Variants in GPATCH8 observed in about 807,000 individuals in gnomAD.
GPATCH8 encodes the protein G-patch domain containing 8.
A neutral mutation model predicts 118.3 loss-of-function variants in GPATCH8; 18 were observed. That is an observed-to-expected ratio of 0.15 (90% CI 0.11 to 0.23). The LOEUF (loss-of-function observed/expected upper bound fraction) is 0.23. Among genes scored for constraint, GPATCH8 ranks in the 10% least tolerant of loss-of-function variants. The probability of loss-of-function intolerance (pLI) is 1.00; values close to 1 mark genes in which losing one functional copy is unlikely to be tolerated. For synonymous variants in GPATCH8, 659 were observed against 684.7 expected, an observed-to-expected ratio of 0.96 and a Z score of 0.59; for missense variants, 1,631 against 1,873.8, an observed-to-expected ratio of 0.87 and a Z score of 2.39.
Position 44,400,683 on chromosome 17 carries a change from G to C in GPATCH8, c.1394C>G (p.Pro465Arg). 1.2e-6 allele frequency: 2 copies of C among 1,611,122 alleles called. No homozygotes were observed. Among genetic ancestry groups the C allele is most frequent in the Non-Finnish European group, 1.7e-6 (2 of 1,178,214 alleles). The change falls in exon 8 of 8, where the codon CCG becomes CGG. Residue 465 changes from proline (P) to arginine (R), a missense_variant. Transcript: ENST00000591680. ...GGGCTCGGTCATGCTGGTTTCCTTC[G>C]GCTGCTCAGAGACTTCACTAACTGT... is the stretch of plus-strand genomic sequence containing the variant. ...EKTVSEVSEQPKETSMTEPSE... is the reference protein window; with the variant it reads ...EKTVSEVSEQRKETSMTEPSE...
intron 3 of GPATCH8, among the ~76,000 whole-genome samples, chr17:44,444,211 C>T (rs1004104198): frequency 3.3e-5 from 5 of 150,786 alleles, no homozygotes; most frequent in Admixed American, 2.7e-4. Context: ...ATCCTCAAGC[C>T]CTTAGAAGAG....
chr17:44,465,369 C>T (rs891982113), intron 2 of GPATCH8: 3 of 151,902 alleles, frequency 2.0e-5, no homozygotes, highest in Admixed American at 6.6e-5. Flanking sequence ...GGAGCACATT[C>T]GAAAAGGTAT....
intron 1 of GPATCH8, among the ~76,000 whole-genome samples, chr17:44,478,261 A>G (rs1331094564): frequency 6.6e-6 from 1 of 152,228 alleles, no homozygotes; most frequent in Admixed American, 6.5e-5. Context: ...ATAAATATCC[A>G]AATACTGAGA....
At position 44,397,384 on chromosome 17, in the gene GPATCH8, C is replaced by A. The variant is rs1228654136; in HGVS notation, c.*184G>T. On this transcript the variant is annotated 3_prime_UTR_variant, in exon 8 of 8. Coordinates refer to ENST00000591680, the MANE Select transcript of GPATCH8 (RefSeq NM_001002909.4). ...TGAGAGGAGGACAGGAAAAAGAAAT[C>A]CCTGATAGTAAACTGAAAGCAAACT... 4.3e-6 allele frequency: 3 copies of A among 697,882 alleles called. No homozygotes were observed. The highest frequency in any genetic ancestry group is 7.8e-6 in the Non-Finnish European group (3 of 383,056). 43.2% of individuals were successfully genotyped at this position (697,882 alleles called of 1,614,324 possible).
chr17:44,462,499 T>TTG (rs1431363517), intron 3 of GPATCH8, among the ~76,000 whole-genome samples: 3 of 152,198 alleles, frequency 2.0e-5, no homozygotes, highest in Non-Finnish European at 4.4e-5. Context: ...ATTCTTTGTA[T>TTG]TGTTTGTAAA....
At chr17:44,408,414 T>C (rs536536145) in intron 6 of GPATCH8, among the ~76,000 whole-genome samples, 2 of 152,288 alleles carry the variant, frequency 1.3e-5, no homozygotes, top group Non-Finnish European at 2.9e-5. Flanking sequence ...CTTCAATTCC[T>C]GACCTCAGGT....
intron 6 of GPATCH8, among the ~76,000 whole-genome samples, chr17:44,414,015 T>C (rs975538023): frequency 2.0e-5 from 3 of 150,658 alleles, no homozygotes; most frequent in African/African-American, 7.3e-5. Flanking sequence ...TCCTTAAAAG[T>C]ATGGTATATT....
rs1158992566 is a variant in GPATCH8 at position 44,400,361 on chromosome 17, T to C, written c.1716A>G (p.Leu572=). The change falls in exon 8 of 8, where the codon TTA becomes TTG. Residue 572 remains leucine, a synonymous_variant. Transcript: ENST00000591680. ...TCCTTGAAAGTTTAAAGTCAAAATATAAAGGGTTACAACTGTATGAAATGG... is the reference window on the plus strand; with the variant it reads ...TCCTTGAAAGTTTAAAGTCAAAATACAAAGGGTTACAACTGTATGAAATGG... ...EPSISYSCNP[L]YFDFKLSRNK... The C allele has an allele frequency of 6.2e-7, 1 of 1,614,036 alleles. No homozygotes were observed. Among genetic ancestry groups the C allele is most frequent in the East Asian group, 2.2e-5 (1 of 44,880 alleles).
At chr17:44,458,212 C>G (rs1286379780) in intron 3 of GPATCH8, among the ~76,000 whole-genome samples, 1 of 147,670 alleles carries the variant, frequency 6.8e-6, no homozygotes, top group Non-Finnish European at 1.5e-5. Flanking sequence ...GATTATGCCA[C>G]TGTACTCCAG....
Position 44,464,461 on chromosome 17 carries a change from T to G in GPATCH8, c.193+11A>C. ...TTTCTTCCTTTTTCTCTGGTAAATG[T>G]AAACACTTACCCTGAAGAGATTTTC... On this transcript the variant is annotated intron_variant, in intron 3 of 7. Transcript: ENST00000591680. The G allele has an allele frequency of 2.7e-6, 4 of 1,477,954 alleles. No individual in the cohort carries two copies. Among genetic ancestry groups the G allele is most frequent in the Non-Finnish European group, 3.8e-6 (4 of 1,055,770 alleles). 91.6% of individuals were successfully genotyped at this position (1,477,954 alleles called of 1,614,324 possible). A position where few individuals can be genotyped will look rare whatever the true frequency, so the allele number is the denominator to read the frequency against.
intron 3 of GPATCH8, among the ~76,000 whole-genome samples, chr17:44,458,255 GAAA>G (rs542843854): frequency 4.0e-5 from 3 of 74,912 alleles, no homozygotes; most frequent in Non-Finnish European, 5.5e-5. Context: ...TGTCTCAAAG[GAAA>G]AAAAAAAAAA....
At chr17:44,456,316 A>G (rs1335876201) in intron 3 of GPATCH8, among the ~76,000 whole-genome samples, 1 of 152,040 alleles carries the variant, frequency 6.6e-6, no homozygotes, top group Non-Finnish European at 1.5e-5. Context: ...AGGTCTTGTT[A>G]TATTGTCTAG....
chr17:44,400,656 G>A lies in GPATCH8; in HGVS notation c.1421C>T (p.Ser474Leu), dbSNP rs373303803. Residue 474 changes from serine (S) to leucine (L), a missense_variant, in exon 8 of 8, where the codon TCA becomes TTA. Physicochemically the swap from Ser to Leu is moderately radical, Grantham distance 145. Coordinates refer to ENST00000591680, the MANE Select transcript of GPATCH8 (RefSeq NM_001002909.4). ...QPKETSMTEP[S>L]EPGSKAEAKK... is the part of the protein sequence containing the mutation. ...TGCCTCAGCTTTGCTTCCTGGTTCT[G>A]AGGGCTCGGTCATGCTGGTTTCCTT... is the stretch of plus-strand genomic sequence containing the variant. 2.2e-5 allele frequency: 36 copies of A among 1,613,136 alleles called. No individual in the cohort carries two copies. The highest frequency in any genetic ancestry group is 3.1e-5 in the Non-Finnish European group (36 of 1,179,404).
intron 3 of GPATCH8, among the ~76,000 whole-genome samples, chr17:44,460,253 T>C (rs1291966977): frequency 2.0e-5 from 3 of 152,218 alleles, no homozygotes; most frequent in Non-Finnish European, 4.4e-5. Flanking sequence ...TCATCAGTAG[T>C]GCTTTTTTTG....
intron 3 of GPATCH8, among the ~76,000 whole-genome samples, chr17:44,456,122 T>C (rs1250137886): frequency 1.3e-5 from 2 of 150,272 alleles, no homozygotes; most frequent in Non-Finnish European, 2.9e-5. Context: ...TATTTATTTA[T>C]AGAGACAGGT....
In GPATCH8 at chr17:44,401,177, C is replaced by T; in HGVS notation, c.900G>A (p.Val300=). 6.2e-7 allele frequency: 1 copy of T among 1,614,174 alleles called. No individual in the cohort carries two copies. Among genetic ancestry groups the T allele is most frequent in the Non-Finnish European group, 8.5e-7 (1 of 1,180,022 alleles). Residue 300 remains valine, a synonymous_variant, in exon 8 of 8, where the codon GTG becomes GTA. Transcript: ENST00000591680. ...NLGTPLQKLG[V]SFSFAKKAPV... ...GAGCCTTTTTGGCAAAAGAAAATGACACTCCCAATTTTTGCAATGGGGTCC... is the reference window on the plus strand; with the variant it reads ...GAGCCTTTTTGGCAAAAGAAAATGATACTCCCAATTTTTGCAATGGGGTCC...
At chr17:44,476,738 T>C (rs774364925) in intron 1 of GPATCH8, among the ~76,000 whole-genome samples, 19 of 152,218 alleles carry the variant, frequency 1.2e-4, no homozygotes, top group Non-Finnish European at 2.6e-4. Context: ...CAAGATGATC[T>C]GCAAAGGAGA....
rs549586205 is a variant in GPATCH8 at position 44,483,861 on chromosome 17, A to T, written c.46-8958T>A. 5.9e-5 allele frequency among the ~76,000 whole-genome samples: 8 copies of T among 135,462 alleles called. No individual in the cohort carries two copies. The East Asian group carries it at 8.3e-4, about 14-fold the overall frequency. 88.9% of individuals were successfully genotyped at this position (135,462 alleles called of 152,430 possible). ...TGTTGTTGTTGTTGTTGTTGTTTTG[A>T]GACAGAGTCTCATTCTGTTGCCCAG... is the stretch of plus-strand genomic sequence containing the variant. On this transcript the variant is annotated intron_variant, in intron 1 of 7. Coordinates refer to ENST00000591680, the MANE Select transcript of GPATCH8 (RefSeq NM_001002909.4).
Position 44,399,335 on chromosome 17 carries a change from T to A in GPATCH8, c.2742A>T (p.Ser914=), listed in dbSNP as rs1317800528. ...HSKRSHDSDD[S]DYASSKHRSK... is the part of the protein sequence containing the mutation. ...ATCGGTGTTTGGAGCTGGCATAGTCTGAGTCATCTGAGTCATGGGAGCGCT... is the reference window on the plus strand; with the variant it reads ...ATCGGTGTTTGGAGCTGGCATAGTCAGAGTCATCTGAGTCATGGGAGCGCT... Residue 914 remains serine (S), a synonymous_variant, in exon 8 of 8, where the codon TCA becomes TCT. Coordinates refer to ENST00000591680, the MANE Select transcript of GPATCH8 (RefSeq NM_001002909.4). 6.2e-7 allele frequency: 1 copy of A among 1,613,936 alleles called. No individual in the cohort carries two copies. Among genetic ancestry groups the A allele is most frequent in the African/African-American group, 1.3e-5 (1 of 74,936 alleles).
Sources: gnomAD v4.1 joint callset for allele counts (sites outside exome capture counted in the v4.1 genomes callset) on GRCh38, gnomAD v4.1.1 for gene constraint, MANE v1.5 for transcripts, NCBI Gene and HGNC (gene_info 2026-07-23, HGNC 2026-07-21) for gene names.